Variants in CD48 observed in about 807,000 individuals in gnomAD.
CD48 encodes the protein CD48 molecule.
Under a neutral mutation model 22.0 loss-of-function variants are expected in CD48, and 20 were observed. The ratio of observed to expected loss-of-function variants is 0.91; its 90% confidence interval spans 0.64 to 1.32. The LOEUF (loss-of-function observed/expected upper bound fraction) is 1.32. Among genes scored for constraint, CD48 ranks in the 40% most tolerant of loss-of-function variants. The pLI, the probability that CD48 is intolerant of heterozygous loss-of-function variation, is 0.00. For missense variants in CD48, 307 were observed against 286.5 expected (o/e 1.07, Z -0.52); for synonymous variants, 110 against 110.1 (o/e 1.00, Z 0.01).
At chr1:160,708,193 G>A (rs768400431) in intron 1 of CD48, among the ~76,000 whole-genome samples, 18 of 152,100 alleles carry the variant, frequency 1.2e-4, no homozygotes, top group Admixed American at 5.2e-4. Context: ...AGAATCAAAC[G>A]CCCAGAAACA....
At chr1:160,694,447 C>CA (rs1558035098) in intron 1 of CD48, among the ~76,000 whole-genome samples, 1 of 151,186 alleles carries the variant, frequency 6.6e-6, no homozygotes, top group Non-Finnish European at 1.5e-5. Flanking sequence ...CAGGACTTGT[C>CA]GGCATAGTCA....
chr1:160,687,631 C>A (rs563502027), intron 1 of CD48, among the ~76,000 whole-genome samples: 1 of 152,298 alleles, frequency 6.6e-6, no homozygotes, highest in Non-Finnish European at 1.5e-5. Context: ...CAACATCTCT[C>A]CCTTTCTTTT....
chr1:160,705,914 C>T (rs1251021831), intron 1 of CD48, among the ~76,000 whole-genome samples: 1 of 152,066 alleles, frequency 6.6e-6, no homozygotes, highest in African/African-American at 2.4e-5. Context: ...TGCCAAATGT[C>T]CCTTGAGGGA....
intron 2 of CD48, among the ~76,000 whole-genome samples, chr1:160,682,477 G>A (rs1005289926): frequency 2.9e-5 from 3 of 103,768 alleles, no homozygotes; most frequent in South Asian, 3.4e-4. Context: ...AAAAAAAGAA[G>A]AAAGAAAGGA....
chr1:160,711,138 A>C (rs1662933224), intron 1 of CD48, among the ~76,000 whole-genome samples: 5 of 152,194 alleles, frequency 3.3e-5, no homozygotes, highest in Admixed American at 1.3e-4. Context: ...TTGATGCTGA[A>C]GCACTTCCAG....
intron 1 of CD48, 63 bp from the exon 2 acceptor site, chr1:160,685,252 G>A: frequency 8.0e-7 from 1 of 1,244,484 alleles, no homozygotes; most frequent in Admixed American, 2.2e-5. Context: ...CAGGCCCAGG[G>A]TATAGCCTGG....
intron 1 of CD48, among the ~76,000 whole-genome samples, chr1:160,698,289 G>T (rs1435800096): frequency 1.3e-5 from 2 of 152,274 alleles, no homozygotes; most frequent in South Asian, 2.1e-4. Context: ...GCAAGAGAAG[G>T]CATGTGGATC....
chr1:160,687,965 A>G (rs980554247), intron 1 of CD48, among the ~76,000 whole-genome samples: 6 of 152,346 alleles, frequency 3.9e-5, no homozygotes, highest in South Asian at 2.1e-4. Context: ...ACCATTTCCT[A>G]TGAATGATCA....
chr1:160,706,885 G>C (rs1235831544), intron 1 of CD48, among the ~76,000 whole-genome samples: 2 of 152,072 alleles, frequency 1.3e-5, no homozygotes, highest in African/African-American at 4.8e-5. Flanking sequence ...AGTAAGTTCC[G>C]GTTACTCCAA....
At chr1:160,680,956 G>T in intron 3 of CD48, 1 of 1,437,424 alleles carries the variant, frequency 7.0e-7, no homozygotes, top group South Asian at 1.5e-5. Flanking sequence ...GGGAAGAGGA[G>T]TATCAGAGAT....
intron 1 of CD48, among the ~76,000 whole-genome samples, chr1:160,711,349 C>T (rs567187532): frequency 5.3e-5 from 8 of 152,314 alleles, no homozygotes; most frequent in African/African-American, 1.9e-4. Flanking sequence ...CAGCAGCTGT[C>T]AGTGTAGAGC....
Position 160,681,299 on chromosome 1 carries a change from A to G in CD48, c.555T>C (p.Leu185=). ...ELQNSVLETT[L]MPHNYSRCYT... ...AACACCTGGAGTAATTATGTGGCAT[A>G]AGGGTGGTTTCAAGCACACTGTTCT... The change falls in exon 3 of 4, where the codon CTT becomes CTC. Residue 185 remains leucine (L), a synonymous_variant. Transcript: ENST00000368046. 3.1e-6 allele frequency: 5 copies of G among 1,614,178 alleles called. No homozygotes were observed. The highest frequency in any genetic ancestry group is 4.2e-6 in the Non-Finnish European group (5 of 1,180,018).
At chr1:160,700,010 C>A (rs1662576641) in intron 1 of CD48, among the ~76,000 whole-genome samples, 1 of 152,124 alleles carries the variant, frequency 6.6e-6, no homozygotes, top group South Asian at 2.1e-4. Context: ...GGCAACCCAC[C>A]CCTTCATGAG....
chr1:160,696,208 G>A (rs1420495889), intron 1 of CD48, among the ~76,000 whole-genome samples: 1 of 152,310 alleles, frequency 6.6e-6, no homozygotes, highest in African/African-American at 2.4e-5. Context: ...TCAAAGAGCA[G>A]AGTTGGTTGC....
chr1:160,697,399 C>G (rs903211987), intron 1 of CD48, among the ~76,000 whole-genome samples: 1 of 143,370 alleles, frequency 7.0e-6, no homozygotes, highest in Non-Finnish European at 1.6e-5. Flanking sequence ...GGGTACCTGG[C>G]CCCACAGATG....
chr1:160,681,177 C>G (rs757215020), intron 3 of CD48, 25 bp downstream of exon 3: 1 of 1,614,106 alleles, frequency 6.2e-7, no homozygotes, highest in Non-Finnish European at 8.5e-7. Context: ...CTGTGCCCCC[C>G]TCAGCTCCCA....
chr1:160,705,473 G>T (rs1385588828), intron 1 of CD48, among the ~76,000 whole-genome samples: 1 of 152,222 alleles, frequency 6.6e-6, no homozygotes, highest in African/African-American at 2.4e-5. Flanking sequence ...AGAGAAGACA[G>T]AGGCTGTGGT....
At chr1:160,692,221 A>C (rs373561662) in intron 1 of CD48, 5 of 152,212 alleles carry the variant, frequency 3.3e-5, no homozygotes, top group African/African-American at 1.2e-4. Context: ...TGGAAGCTGT[A>C]TAATAGATTG....
chr1:160,684,569 C>G, intron 2 of CD48: 1 of 648,326 alleles, frequency 1.5e-6, no homozygotes, highest in Non-Finnish European at 2.5e-6. Flanking sequence ...GAGATATAAT[C>G]AAGATGAGCT....
Sources: gnomAD v4.1 joint callset for allele counts (sites outside exome capture counted in the v4.1 genomes callset) on GRCh38, gnomAD v4.1.1 for gene constraint, MANE v1.5 for transcripts, NCBI Gene and HGNC (gene_info 2026-07-23, HGNC 2026-07-21) for gene names.